Variants in IMPG1 observed in about 807,000 individuals in gnomAD.
IMPG1 encodes the protein interphotoreceptor matrix proteoglycan of 150 kDa.
In IMPG1, 85 loss-of-function variants were observed where a neutral mutation model predicts 92.0. The observed-to-expected ratio is 0.92, with a 90% CI of 0.78 to 1.11. The LOEUF is 1.11. Among genes scored for constraint, IMPG1 ranks in the 50% least tolerant of loss-of-function variants. The probability of loss-of-function intolerance (pLI) is 0.00; values close to 1 mark genes in which losing one functional copy is unlikely to be tolerated. For missense variants in IMPG1, 1,022 were observed against 956.0 expected (o/e 1.07, Z -0.91); for synonymous variants, 367 against 334.1 (o/e 1.10, Z -1.08).
intron 9 of IMPG1, among the ~76,000 whole-genome samples, chr6:76,005,914 G>C (rs1379464480): frequency 6.6e-6 from 1 of 151,216 alleles, no homozygotes; most frequent in Admixed American, 6.6e-5. Context: ...ATGGCTCACT[G>C]TAGCCTTGAA....
intron 14 of IMPG1, among the ~76,000 whole-genome samples, chr6:75,945,234 AACT>A: frequency 6.6e-6 from 1 of 152,350 alleles, no homozygotes; most frequent in Admixed American, 6.5e-5. Context: ...TTGCAATAGT[AACT>A]ACTAATGTTT....
intron 12 of IMPG1, among the ~76,000 whole-genome samples, chr6:75,974,061 G>A (rs1404785350): frequency 6.6e-6 from 1 of 152,202 alleles, no homozygotes; most frequent in Non-Finnish European, 1.5e-5. Context: ...ATGCAGCCTG[G>A]CTTCAAGATA....
chr6:76,026,604 T>C (rs1783541085), intron 4 of IMPG1, among the ~76,000 whole-genome samples: 1 of 152,238 alleles, frequency 6.6e-6, no homozygotes, highest in African/African-American at 2.4e-5. Context: ...AGCCTTCTGC[T>C]TCCCTGGACA....
At chr6:75,984,287 T>C (rs1782678633) in intron 12 of IMPG1, among the ~76,000 whole-genome samples, 2 of 152,218 alleles carry the variant, frequency 1.3e-5, no homozygotes, top group East Asian at 3.8e-4. Context: ...TGTAGCATTA[T>C]TAATAAAAGC....
intron 12 of IMPG1, among the ~76,000 whole-genome samples, chr6:75,988,036 A>C (rs1782750835): frequency 6.6e-6 from 1 of 152,028 alleles, no homozygotes; most frequent in South Asian, 2.1e-4. Flanking sequence ...GGACATTTGG[A>C]TTGGTTGCAA....
At chr6:76,017,433 A>C (rs111584746) in intron 7 of IMPG1, among the ~76,000 whole-genome samples, 48 of 152,224 alleles carry the variant, frequency 3.2e-4, no homozygotes, top group African/African-American at 1.1e-3. Context: ...GTGTCTTTAA[A>C]TTGCATCAAA....
intron 6 of IMPG1, among the ~76,000 whole-genome samples, chr6:76,020,248 T>TAACTACTG (rs1449623754): frequency 6.6e-6 from 1 of 152,050 alleles, no homozygotes; most frequent in East Asian, 1.9e-4. Context: ...AGATGGGGTC[T>TAACTACTG]CCCAGTCTCG....
chr6:75,947,792 A>G (rs536804465), intron 13 of IMPG1, among the ~76,000 whole-genome samples: 1 of 152,066 alleles, frequency 6.6e-6, no homozygotes, highest in South Asian at 2.1e-4. Context: ...GAATTGTGAG[A>G]ACAGATGATT....
chr6:76,067,605 A>G (rs1288856782), intron 1 of IMPG1, among the ~76,000 whole-genome samples: 1 of 152,092 alleles, frequency 6.6e-6, no homozygotes, highest in African/African-American at 2.4e-5. Flanking sequence ...TTTCTACCAG[A>G]CATACAAAAA....
At chr6:75,980,831 C>T (rs1782615049) in intron 12 of IMPG1, among the ~76,000 whole-genome samples, 1 of 152,198 alleles carries the variant, frequency 6.6e-6, no homozygotes, top group Non-Finnish European at 1.5e-5. Flanking sequence ...CCTTAATAAA[C>T]TCCCTTTCAT....
intron 13 of IMPG1, among the ~76,000 whole-genome samples, chr6:75,947,800 A>AT (rs1781953207): frequency 6.6e-6 from 1 of 151,974 alleles, no homozygotes; most frequent in South Asian, 2.1e-4. Flanking sequence ...AGAACAGATG[A>AT]TTTTTAAAAA....
At chr6:75,973,741 G>A (rs535369542) in intron 12 of IMPG1, among the ~76,000 whole-genome samples, 1 of 152,300 alleles carries the variant, frequency 6.6e-6, no homozygotes, top group East Asian at 1.9e-4. Context: ...AACAGACTTA[G>A]CCTTTGTCTT....
intron 1 of IMPG1, among the ~76,000 whole-genome samples, chr6:76,070,493 A>T (rs79656288): frequency 6.6e-6 from 1 of 152,202 alleles, no homozygotes; most frequent in Non-Finnish European, 1.5e-5. Context: ...ATAAATCATT[A>T]TATCAGAAAG....
intron 14 of IMPG1, 55 bp from the exon 15 acceptor site, chr6:75,931,206 T>C (rs1284838002): frequency 1.1e-5 from 17 of 1,519,868 alleles, no homozygotes; most frequent in Non-Finnish European, 1.5e-5. Context: ...GCAATGGAAC[T>C]GGCAGCAGTC....
chr6:75,923,513 A>T, intron 16 of IMPG1, 121 bp downstream of exon 16: 2 of 657,330 alleles, frequency 3.0e-6, no homozygotes, highest in Non-Finnish European at 5.4e-6. Context: ...TTAAAACAGT[A>T]AATTAAAAAT....
At chr6:76,023,790 T>C (rs1783476349) in intron 5 of IMPG1, among the ~76,000 whole-genome samples, 1 of 152,292 alleles carries the variant, frequency 6.6e-6, no homozygotes, top group African/African-American at 2.4e-5. Flanking sequence ...AGGGGTCATA[T>C]TAACTTACTC....
intron 1 of IMPG1, among the ~76,000 whole-genome samples, chr6:76,062,981 A>C (rs1161606875): frequency 6.6e-6 from 1 of 151,664 alleles, no homozygotes; most frequent in Non-Finnish European, 1.5e-5. Flanking sequence ...AGGTGAGTGG[A>C]TTATTTGAGG....
chr6:76,046,500 T>C (rs1275416942), intron 1 of IMPG1, among the ~76,000 whole-genome samples: 1 of 152,184 alleles, frequency 6.6e-6, no homozygotes, highest in Admixed American at 6.5e-5. Flanking sequence ...ACTTTCTGAA[T>C]TTAACTTAAA....
intron 14 of IMPG1, chr6:75,935,152 C>G (rs750561126): frequency 1.5e-5 from 6 of 398,680 alleles, no homozygotes; most frequent in Admixed American, 8.8e-5. Context: ...ATTTTAAGCA[C>G]CCCAGCTGAT....
Sources: gnomAD v4.1 joint callset for allele counts (sites outside exome capture counted in the v4.1 genomes callset) on GRCh38, gnomAD v4.1.1 for gene constraint, MANE v1.5 for transcripts, NCBI Gene and HGNC (gene_info 2026-07-23, HGNC 2026-07-21) for gene names.